The following TVP23C variants were observed in gnomAD, a reference collection of about 807,000 sequenced individuals.
TVP23C encodes the protein trans-golgi network vesicle protein 23 homolog C.
Under a neutral mutation model 28.7 loss-of-function variants are expected in TVP23C, and 19 were observed. The ratio of observed to expected loss-of-function variants is 0.66; its 90% CI spans 0.46 to 0.97. TVP23C has a LOEUF of 0.97. TVP23C is among the 50% of genes least tolerant of loss of function. The pLI, the probability that TVP23C is intolerant of heterozygous loss-of-function variation, is 0.00. For missense variants in TVP23C, 186 were observed against 241.3 expected, an observed-to-expected ratio of 0.77 and a Z score of 1.52; for synonymous variants, 68 against 81.7, an observed-to-expected ratio of 0.83 and a Z score of 0.90.
rs1406123946 is a variant in TVP23C at position 15,539,951 on chromosome 17, G to A, written c.*461C>T. The A allele has an allele frequency of 2.0e-6, 1 of 510,294 alleles. No individual in the cohort carries two copies. The highest frequency in any genetic ancestry group is 2.6e-6 in the Non-Finnish European group (1 of 390,100). The allele number at this position is 510,294 out of a possible 1,614,324, so 31.6% of individuals were successfully genotyped here. The stretch of plus-strand genomic sequence containing the variant: ...TACTGAAAATACAAAAAATTAGCTG[G>A]GCGTGGTGGCATGCGCCTGTAATCC... On this transcript the variant is annotated 3_prime_UTR_variant, in exon 6 of 6. Coordinates refer to ENST00000518321, the MANE Select transcript of TVP23C (RefSeq NM_001135036.2).
chr17:15,518,112 C>G (rs1016342602), intron 5 of TVP23C, among the ~76,000 whole-genome samples: 14 of 146,296 alleles, frequency 9.6e-5, no homozygotes, highest in African/African-American at 2.8e-4. Context: ...AGGTTGCAGT[C>G]AGCCGAGATC....
Position 15,540,178 on chromosome 17 carries a change from TAAAAGTAATTTTTA to T in TVP23C, c.*220_*233del. 7.9e-7 allele frequency: 1 copy of T among 1,272,678 alleles called. No individual in the cohort carries two copies. The highest frequency in any genetic ancestry group is 9.9e-7 in the Non-Finnish European group (1 of 1,009,956). 78.8% of individuals were successfully genotyped at this position (1,272,678 alleles called of 1,614,324 possible). A position where few individuals can be genotyped will look rare whatever the true frequency, so the allele number is the denominator to read the frequency against. ...ATAATTGATGAAAAACAACTGAACT[TAAAAGTAATTTTTA>T]AAAAATAAGTTATTATCAATGATAG... On this transcript the variant is annotated 3_prime_UTR_variant, in exon 6 of 6. Coordinates refer to ENST00000518321, the MANE Select transcript of TVP23C (RefSeq NM_001135036.2).
chr17:15,540,671 C>A, intron 5 of TVP23C, 110 bp from the exon 6 acceptor site: 4 of 625,694 alleles, frequency 6.4e-6, no homozygotes, highest in Admixed American at 5.8e-5. Flanking sequence ...GAAGAGGAAG[C>A]TCTGCAAAGC....
At chr17:15,531,424 AATGC>A (rs998722703) in intron 5 of TVP23C, among the ~76,000 whole-genome samples, 60 of 152,242 alleles carry the variant, frequency 3.9e-4, no homozygotes, top group African/African-American at 1.4e-3. Context: ...GAACTCCTTT[AATGC>A]GTATGTTGGT....
exon 6 of TVP23C, chr17:15,502,327 C>G (rs1176219002): frequency 6.6e-6 from 1 of 152,480 alleles, no homozygotes; most frequent in African/African-American, 2.4e-5. Context: ...GAAAAAAACA[C>G]AGATAATTTC....
intron 5 of TVP23C, among the ~76,000 whole-genome samples, chr17:15,524,104 G>GTA (rs1982617970): frequency 6.7e-6 from 1 of 148,326 alleles, no homozygotes; most frequent in East Asian, 2.1e-4. Flanking sequence ...GTGTGTGTGT[G>GTA]TGTGTTACTC....
rs1983289728 is a variant in TVP23C, at chr17:15,539,121, G to A, written c.*1291C>T. ...GGACCAGTGCCCTCAGTACCACCCA[G>A]AAACTTGGGAGAAATGCAAATTATG... On this transcript the variant is annotated 3_prime_UTR_variant, in exon 6 of 6. Transcript: ENST00000518321. The A allele has an allele frequency of 2.1e-6, 2 of 967,436 alleles. No homozygotes were observed. The allele number at this position is 967,436 out of a possible 1,614,324, so 59.9% of individuals were successfully genotyped here. A position where few individuals can be genotyped will look rare whatever the true frequency, so the allele number is the denominator to read the frequency against.
At chr17:15,517,202 T>C (rs904054033) in intron 5 of TVP23C, among the ~76,000 whole-genome samples, 1 of 152,324 alleles carries the variant, frequency 6.6e-6, no homozygotes, top group Non-Finnish European at 1.5e-5. Flanking sequence ...CCCCAACTGA[T>C]AATAAGCTTT....
chr17:15,548,918 G>A (rs564216879), intron 3 of TVP23C, among the ~76,000 whole-genome samples: 3 of 152,320 alleles, frequency 2.0e-5, no homozygotes, highest in Admixed American at 6.5e-5. Context: ...TAAAAGTTAT[G>A]TGAATGTAGT....
intron 5 of TVP23C, among the ~76,000 whole-genome samples, chr17:15,510,032 A>G (rs889184549): frequency 1.3e-5 from 2 of 152,226 alleles, no homozygotes; most frequent in African/African-American, 4.8e-5. Flanking sequence ...GATTTCGGAG[A>G]CGTTGACTTT....
intron 5 of TVP23C, among the ~76,000 whole-genome samples, chr17:15,505,881 C>T (rs1265195452): frequency 4.6e-5 from 7 of 152,338 alleles, no homozygotes; most frequent in Admixed American, 2.0e-4. Flanking sequence ...GCCAGCCCAC[C>T]GGCGCTGTGC....
chr17:15,528,573 C>T (rs550792586), intron 5 of TVP23C, among the ~76,000 whole-genome samples: 25 of 152,114 alleles, frequency 1.6e-4, no homozygotes, highest in Middle Eastern at 3.4e-3. Context: ...GTGTATTCTG[C>T]TGTTGTTGGA....
At chr17:15,546,993 G>A (rs1354112433) in intron 4 of TVP23C, 66 bp downstream of exon 4, 1 of 1,326,786 alleles carries the variant, frequency 7.5e-7, no homozygotes, top group Non-Finnish European at 1.0e-6. Context: ...TCATCTTCCA[G>A]TATTTAAATA....
At chr17:15,511,648 C>T (rs1368048798) in intron 5 of TVP23C, among the ~76,000 whole-genome samples, 3 of 152,016 alleles carry the variant, frequency 2.0e-5, no homozygotes, top group African/African-American at 7.2e-5. Context: ...AGAATTGTTC[C>T]AGTCCTTATC....
At chr17:15,512,853 C>A (rs975314368) in intron 5 of TVP23C, among the ~76,000 whole-genome samples, 1 of 152,170 alleles carries the variant, frequency 6.6e-6, no homozygotes, top group Non-Finnish European at 1.5e-5. Context: ...TATGTCAAAT[C>A]AAAAGGGAGA....
intron 5 of TVP23C, among the ~76,000 whole-genome samples, chr17:15,512,230 T>G (rs935218937): frequency 6.6e-6 from 1 of 152,318 alleles, no homozygotes; most frequent in East Asian, 1.9e-4. Context: ...GATGTTGAAG[T>G]GGATGGGGTT....
At chr17:15,505,660 T>C (rs988394965) in intron 5 of TVP23C, among the ~76,000 whole-genome samples, 3 of 152,202 alleles carry the variant, frequency 2.0e-5, no homozygotes, top group Admixed American at 2.0e-4. Context: ...TGGCCAAGGC[T>C]GGAGCCCACT....
chr17:15,550,602 T>C (rs886554060), intron 3 of TVP23C, among the ~76,000 whole-genome samples: 2 of 152,200 alleles, frequency 1.3e-5, no homozygotes, highest in African/African-American at 2.4e-5. Context: ...ATCATAATGC[T>C]TTTCTATTTT....
chr17:15,507,053 AG>A, intron 5 of TVP23C: 1 of 1,275,412 alleles, frequency 7.8e-7, no homozygotes. Flanking sequence ...TTTATGTGTC[AG>A]GGCGGTGACT....
Sources: gnomAD v4.1 joint callset for allele counts (sites outside exome capture counted in the v4.1 genomes callset) on GRCh38, gnomAD v4.1.1 for gene constraint, MANE v1.5 for transcripts, NCBI Gene and HGNC (gene_info 2026-07-23, HGNC 2026-07-21) for gene names.